The following MET variants were observed in gnomAD, a reference collection of about 807,000 sequenced individuals.
MET encodes the protein hepatocyte growth factor receptor.
A neutral mutation model predicts 133.1 loss-of-function variants in MET; 48 were observed. The ratio of observed to expected loss-of-function variants is 0.36; its 90% CI spans 0.29 to 0.46. MET has a LOEUF of 0.46. MET is among the 20% of genes least tolerant of loss of function. The pLI, the probability that MET is intolerant of heterozygous loss-of-function variation, is 1.00. For synonymous variants in MET, 628 were observed against 616.5 expected (o/e 1.02, Z -0.28); for missense variants, 1,442 against 1,695.9 (o/e 0.85, Z 2.63).
intron 1 of MET, among the ~76,000 whole-genome samples, chr7:116,674,602 T>A (rs1261110624): frequency 6.6e-6 from 1 of 152,222 alleles, no homozygotes; most frequent in African/African-American, 2.4e-5. Context: ...ACAACGTGAA[T>A]AACTCAGAGG....
rs765759353 is a variant in MET at position 116,699,574 on chromosome 7, C to G, written c.490C>G (p.Pro164Ala). 3.7e-6 allele frequency: 6 copies of G among 1,613,860 alleles called. No homozygotes were observed. The highest frequency in any genetic ancestry group is 3.4e-6 in the Non-Finnish European group (4 of 1,179,954). The change falls in exon 2 of 21, where the codon CCA becomes GCA. Residue 164 changes from proline (P) to alanine (A), a missense_variant. Physicochemically the swap from Pro to Ala is conservative, Grantham distance 27. Coordinates refer to ENST00000397752, the MANE Select transcript of MET (RefSeq NM_000245.4). ...IQSEVHCIFSPQIEEPSQCPD... is the reference protein window; with the variant it reads ...IQSEVHCIFSAQIEEPSQCPD... The stretch of plus-strand genomic sequence containing the variant: ...GTCGGAGGTTCACTGCATATTCTCC[C>G]CACAGATAGAAGAGCCCAGCCAGTG...
chr7:116,764,937 G>C (rs1034484459), intron 11 of MET, among the ~76,000 whole-genome samples: 1 of 152,014 alleles, frequency 6.6e-6, no homozygotes, highest in Non-Finnish European at 1.5e-5. Context: ...GAAAGCAAAG[G>C]CATAAGAGAA....
chr7:116,718,625 A>C (rs1216074038), intron 2 of MET, among the ~76,000 whole-genome samples: 1 of 142,290 alleles, frequency 7.0e-6, no homozygotes, highest in African/African-American at 2.6e-5. Flanking sequence ...TATATCTCCC[A>C]ATGCTATCCC....
chr7:116,678,526 A>G (rs942594446), intron 1 of MET, among the ~76,000 whole-genome samples: 4 of 152,194 alleles, frequency 2.6e-5, no homozygotes, highest in African/African-American at 9.6e-5. Flanking sequence ...ATGTAAAGAA[A>G]GACATTCAAA....
In MET at chr7:116,729,948, G is replaced by A. The variant is rs548525517; in HGVS notation, c.1201-1720G>A. On this transcript the variant is annotated intron_variant, in intron 2 of 20. Coordinates refer to ENST00000397752, the MANE Select transcript of MET (RefSeq NM_000245.4). ...AACTACTGGCAATACCATGGTGAACGAGTAGGGTCCCTGATCGCAGCGAGC... is the reference window on the plus strand; with the variant it reads ...AACTACTGGCAATACCATGGTGAACAAGTAGGGTCCCTGATCGCAGCGAGC... Among the ~76,000 whole-genome samples, 3 of 152,310 alleles carry A rather than the reference G, an allele frequency of 2.0e-5. No individual in the cohort carries two copies. The East Asian group carries it at 5.8e-4, about 29-fold the overall frequency.
chr7:116,762,747 C>A (rs1292520469), intron 10 of MET, among the ~76,000 whole-genome samples: 1 of 152,078 alleles, frequency 6.6e-6, no homozygotes, highest in Admixed American at 6.6e-5. Flanking sequence ...AGGGGCAGTT[C>A]CTCCAGGTGA....
intron 19 of MET, among the ~76,000 whole-genome samples, chr7:116,788,382 T>TA (rs1205512929): frequency 1.3e-5 from 2 of 152,252 alleles, no homozygotes; most frequent in Non-Finnish European, 2.9e-5. Flanking sequence ...AGCTGATTTA[T>TA]AAAAAAAGAG....
At chr7:116,726,169 A>ACACACACACACAC (rs1562900114) in intron 2 of MET, among the ~76,000 whole-genome samples, 8 of 122,568 alleles carry the variant, frequency 6.5e-5, no homozygotes, top group Middle Eastern at 3.9e-3. Flanking sequence ...ATATATATAT[A>ACACACACACACAC]TATATATATG....
At chr7:116,683,257 G>A (rs1486748346) in intron 1 of MET, among the ~76,000 whole-genome samples, 2 of 152,080 alleles carry the variant, frequency 1.3e-5, no homozygotes, top group Non-Finnish European at 2.9e-5. Flanking sequence ...TCCTTTCTTT[G>A]TGTTCATAGG....
At chr7:116,730,860 A>G (rs1792976465) in intron 2 of MET, among the ~76,000 whole-genome samples, 1 of 152,054 alleles carries the variant, frequency 6.6e-6, no homozygotes, top group Non-Finnish European at 1.5e-5. Flanking sequence ...TACTTGAGTG[A>G]TGTTATCTAC....
At chr7:116,754,896 A>AAAGAAAGAAAGG (rs1794073259) in intron 5 of MET, among the ~76,000 whole-genome samples, 1 of 34,750 alleles carries the variant, frequency 2.9e-5, no homozygotes, top group African/African-American at 7.7e-5. Context: ...AGAAAGAGAG[A>AAAGAAAGAAAGG]AAGAAAGAAA....
intron 19 of MET, among the ~76,000 whole-genome samples, chr7:116,784,993 A>G (rs1584967377): frequency 6.6e-6 from 1 of 152,216 alleles, no homozygotes; most frequent in East Asian, 1.9e-4. Context: ...GCCAAAGCAA[A>G]GGGGCTCCAG....
At chr7:116,725,160 G>A (rs750085561) in intron 2 of MET, among the ~76,000 whole-genome samples, 2 of 152,080 alleles carry the variant, frequency 1.3e-5, no homozygotes, top group Non-Finnish European at 1.5e-5. Flanking sequence ...GGATTCAAAT[G>A]CTAATATTTA....
chr7:116,685,449 G>A (rs762988090), intron 1 of MET, among the ~76,000 whole-genome samples: 2 of 152,068 alleles, frequency 1.3e-5, no homozygotes, highest in Non-Finnish European at 2.9e-5. Context: ...AGGCTGAGGC[G>A]GGTGGATAGT....
chr7:116,766,076 G>C (rs1004653463), intron 11 of MET, among the ~76,000 whole-genome samples: 5 of 152,100 alleles, frequency 3.3e-5, no homozygotes, highest in African/African-American at 1.2e-4. Flanking sequence ...AGAGGGAATA[G>C]CTCTTAACTT....
intron 5 of MET, among the ~76,000 whole-genome samples, chr7:116,747,745 G>A (rs1326918752): frequency 1.3e-5 from 2 of 151,840 alleles, no homozygotes; most frequent in African/African-American, 4.9e-5. Flanking sequence ...AGGGTATCCA[G>A]GACTTGAACT....
In MET at chr7:116,699,368, G is replaced by T; in HGVS notation, c.284G>T (p.Cys95Phe). 6.2e-7 allele frequency: 1 copy of T among 1,614,066 alleles called. No individual in the cohort carries two copies. The highest frequency in any genetic ancestry group is 8.5e-7 in the Non-Finnish European group (1 of 1,179,956). The change falls in exon 2 of 21, where the codon TGT becomes TTT. Residue 95 changes from cysteine to phenylalanine, a missense_variant. Physicochemically the swap from Cys to Phe is radical, Grantham distance 205. Coordinates refer to ENST00000397752, the MANE Select transcript of MET (RefSeq NM_000245.4). ...KTGPVLEHPD[C>F]FPCQDCSSKA... ...GGGCCTGTGCTGGAACACCCAGATTGTTTCCCATGTCAGGACTGCAGCAGC... is the reference window on the plus strand; with the variant it reads ...GGGCCTGTGCTGGAACACCCAGATTTTTTCCCATGTCAGGACTGCAGCAGC...
chr7:116,783,125 C>G (rs527649236), intron 18 of MET, among the ~76,000 whole-genome samples, 179 bp from the exon 19 acceptor site: 2 of 152,314 alleles, frequency 1.3e-5, no homozygotes, highest in Admixed American at 6.5e-5. Context: ...CAATGTCAAG[C>G]ATTTTTATTC....
intron 1 of MET, among the ~76,000 whole-genome samples, chr7:116,692,228 G>A (rs139333175): frequency 2.7e-4 from 41 of 152,160 alleles, no homozygotes; most frequent in African/African-American, 9.2e-4. Flanking sequence ...ACCTTATAAG[G>A]TAATCATGAT....
Sources: allele counts gnomAD v4.1 joint callset (sites outside exome capture counted in the v4.1 genomes callset), GRCh38; gene constraint gnomAD v4.1.1; transcripts MANE v1.5; gene names NCBI Gene and HGNC (gene_info 2026-07-23, HGNC 2026-07-21).